Variants in ASAH2B observed in about 807,000 individuals in gnomAD.
ASAH2B encodes the protein N-acylsphingosine amidohydrolase 2B, also known as putative inactive neutral ceramidase B.
ASAH2B carries 1 observed loss-of-function variant against 2.9 expected under a neutral mutation model. That is an observed-to-expected ratio of 0.34 (90% CI 0.12 to 1.63). The LOEUF is 1.63. Among genes scored for constraint, ASAH2B ranks in the 40% most tolerant of loss-of-function variants. The pLI, the probability that ASAH2B is intolerant of heterozygous loss-of-function variation, is 0.36. For missense variants in ASAH2B, 9 were observed against 37.7 expected (o/e 0.24, Z 1.99); for synonymous variants, 4 against 13.3 (o/e 0.30, Z 1.52).
intron 3 of ASAH2B, among the ~76,000 whole-genome samples, chr10:50,749,044 G>A (rs1839947672): frequency 3.3e-5 from 5 of 150,504 alleles, no homozygotes; most frequent in Admixed American, 6.6e-5. Context: ...GTGTTGGGAG[G>A]GAGGTGTGAG....
At chr10:50,744,969 A>G (rs1359218704) in intron 2 of ASAH2B, among the ~76,000 whole-genome samples, 159 bp from the exon 3 acceptor site, 2 of 145,650 alleles carry the variant, frequency 1.4e-5, no homozygotes, top group Non-Finnish European at 3.0e-5. Flanking sequence ...CATGCTTAGC[A>G]AGGCTACCTT....
At chr10:50,744,933 G>A (rs1035624290) in intron 2 of ASAH2B, among the ~76,000 whole-genome samples, 195 bp from the exon 3 acceptor site, 22 of 150,154 alleles carry the variant, frequency 1.5e-4, no homozygotes, top group Non-Finnish European at 1.9e-4. Context: ...CCAGTGACAA[G>A]AGTTTAAATT....
chr10:50,742,937 C>T lies in ASAH2B; in HGVS notation c.-77C>T, dbSNP rs1290594690. 3.7e-6 allele frequency: 6 copies of T among 1,614,004 alleles called. 1 individual carries two copies. The South Asian group carries it at 5.5e-5, about 15-fold the overall frequency. On this transcript the variant is annotated 5_prime_UTR_variant, in exon 2 of 6. The change creates a premature stop within an existing upstream ORF in the 5' untranslated region. Transcript: ENST00000647317. ...CAGGCTCAGCGATATGAGGCAGCAT[C>T]GACAATTTATGGACCGCACGCATTA...
At chr10:50,748,756 C>T (rs67440360) in intron 3 of ASAH2B, among the ~76,000 whole-genome samples, 48,439 of 149,440 alleles carry the variant, frequency 0.32, 8,662 homozygotes, top group East Asian at 0.53. Context: ...CTCCTTCTGC[C>T]GTGGCCCGTA....
rs533271559 is a variant in ASAH2B, at chr10:50,748,259, A to C, written c.145-1084A>C. On this transcript the variant is annotated intron_variant, in intron 3 of 5. Coordinates refer to ENST00000647317, the MANE Select transcript of ASAH2B (RefSeq NM_001321958.2). ...CCTTTTAATTTCTGAAGAGTTGACA[A>C]TTATATCCCCTCTTTCTTTCTAATT... is the stretch of plus-strand genomic sequence containing the variant. Among the ~76,000 whole-genome samples, 3 of 84,082 alleles carry C rather than the reference A, an allele frequency of 3.6e-5. 1 individual carries two copies. Among genetic ancestry groups the C allele is most frequent in the Non-Finnish European group, 9.6e-5 (3 of 31,362 alleles). 55.2% of individuals were successfully genotyped at this position (84,082 alleles called of 152,430 possible).
rs1837077620 is a variant in ASAH2B, at chr10:50,755,895, TG to T, written c.*1156del. 6.6e-6 allele frequency: 1 copy of T among 151,568 alleles called. No homozygotes were observed. The highest frequency in any genetic ancestry group is 2.4e-5 in the African/African-American group (1 of 41,390). The allele number at this position is 151,568 out of a possible 1,614,324, so 9.4% of individuals were successfully genotyped here. A position where few individuals can be genotyped will look rare whatever the true frequency, so the allele number is the denominator to read the frequency against. On this transcript the variant is annotated 3_prime_UTR_variant, in exon 6 of 6. Transcript: ENST00000647317. ...AATCAGTAATCTTCAAGTTATATCT[TG>T]TGTATCATCTGTGTTGGATACTCTA... is the stretch of plus-strand genomic sequence containing the variant.
chr10:50,742,766 C>T, intron 1 of ASAH2B, 149 bp from the exon 2 acceptor site: 2 of 753,426 alleles, frequency 2.7e-6, no homozygotes, highest in South Asian at 3.4e-5. Flanking sequence ...TGGAAATGCC[C>T]ATCCTCTTTT....
At chr10:50,746,267 C>T (rs562217896) in intron 3 of ASAH2B, among the ~76,000 whole-genome samples, 2 of 151,524 alleles carry the variant, frequency 1.3e-5, no homozygotes, top group African/African-American at 4.9e-5. Context: ...TCTTTCTGTA[C>T]CTGGCTTATT....
At chr10:50,740,599 T>A (rs1839815564) in intron 1 of ASAH2B, among the ~76,000 whole-genome samples, 1 of 152,220 alleles carries the variant, frequency 6.6e-6, no homozygotes, top group African/African-American at 2.4e-5. Flanking sequence ...GCAAGTCAGA[T>A]CATAGCTATA....
At chr10:50,743,064 CTGTATG>C in intron 2 of ASAH2B, 54 bp downstream of exon 2, 4 of 1,538,972 alleles carry the variant, frequency 2.6e-6, no homozygotes, top group Non-Finnish European at 3.6e-6. Flanking sequence ...GTGTGTATGT[CTGTATG>C]TGTCTGTGTC....
rs1411807111 is a variant in ASAH2B, at chr10:50,753,214, A to T, written c.293+658A>T. 4.5e-5 allele frequency among the ~76,000 whole-genome samples: 6 copies of T among 133,332 alleles called. 1 individual carries two copies. The highest frequency in any genetic ancestry group is 8.3e-5 in the Non-Finnish European group (5 of 60,578). The allele number at this position is 133,332 out of a possible 152,430, so 87.5% of individuals were successfully genotyped here. On this transcript the variant is annotated intron_variant, in intron 5 of 5. Coordinates refer to ENST00000647317, the MANE Select transcript of ASAH2B (RefSeq NM_001321958.2). Reference sequence around the variant, plus strand: ...AAATTTAACATTCCATGACAGTGGCATGGAAGTAGGTACAGTTTTTGGCAA... The same window carrying T: ...AAATTTAACATTCCATGACAGTGGCTTGGAAGTAGGTACAGTTTTTGGCAA...
intron 2 of ASAH2B, among the ~76,000 whole-genome samples, chr10:50,743,277 A>C (rs1010292173): frequency 6.6e-6 from 1 of 151,852 alleles, no homozygotes; most frequent in Non-Finnish European, 1.5e-5. Context: ...TACAACCATC[A>C]TGTGAAATTA....
In ASAH2B at chr10:50,742,497, G is replaced by A. The variant is rs538900807; in HGVS notation, c.-99-418G>A. ...TGGCTCAATTTCATGGCTTTGTGATGGATTAAATGTCTTTCTCCAGTTAGC... is the reference window on the plus strand; with the variant it reads ...TGGCTCAATTTCATGGCTTTGTGATAGATTAAATGTCTTTCTCCAGTTAGC... On this transcript the variant is annotated intron_variant, in intron 1 of 5. Coordinates refer to ENST00000647317, the MANE Select transcript of ASAH2B (RefSeq NM_001321958.2). Among the ~76,000 whole-genome samples the A allele has an allele frequency of 1.3e-3, 195 of 152,220 alleles. 1 individual carries two copies. The Middle Eastern group carries it at 0.024, about 19-fold the overall frequency.
intron 5 of ASAH2B, among the ~76,000 whole-genome samples, chr10:50,753,198 A>G (rs1588934476): frequency 7.1e-6 from 1 of 140,782 alleles, no homozygotes; most frequent in African/African-American, 2.7e-5. Context: ...TAAATTTAAC[A>G]TTCCATGACA....
At chr10:50,746,817 T>C (rs1839912502) in intron 3 of ASAH2B, among the ~76,000 whole-genome samples, 1 of 151,530 alleles carries the variant, frequency 6.6e-6, no homozygotes, top group Non-Finnish European at 1.5e-5. Flanking sequence ...GAAATGTTTA[T>C]TCAGGTCCTT....
rs1405510536 is a variant in ASAH2B, at chr10:50,754,980, C to T, written c.*240C>T. On this transcript the variant is annotated 3_prime_UTR_variant, in exon 6 of 6. Transcript: ENST00000647317. Reference sequence around the variant, plus strand: ...AGAGAGAGAGGTTTGTCCCATATATCTTGTTCCAGCAGCCATATATCTTGT... The same window carrying T: ...AGAGAGAGAGGTTTGTCCCATATATTTTGTTCCAGCAGCCATATATCTTGT... 4.2e-6 allele frequency: 2 copies of T among 474,468 alleles called. No homozygotes were observed. Among genetic ancestry groups the T allele is most frequent in the Admixed American group, 7.9e-5 (2 of 25,266 alleles). The allele number at this position is 474,468 out of a possible 1,614,324, so 29.4% of individuals were successfully genotyped here. A position where few individuals can be genotyped will look rare whatever the true frequency, so the allele number is the denominator to read the frequency against.
chr10:50,744,558 G>C (rs887113817), intron 2 of ASAH2B: 2 of 151,820 alleles, frequency 1.3e-5, no homozygotes, highest in African/African-American at 2.4e-5. Flanking sequence ...AGGGATATTT[G>C]AAAATTGAGA....
intron 2 of ASAH2B, among the ~76,000 whole-genome samples, chr10:50,744,216 C>A (rs12266800): frequency 3.3e-5 from 5 of 151,234 alleles, no homozygotes; most frequent in African/African-American, 7.4e-5. Flanking sequence ...TGTCACTATG[C>A]TCATAGGTCT....
intron 3 of ASAH2B, among the ~76,000 whole-genome samples, chr10:50,747,897 A>C (rs1198927862): frequency 1.3e-5 from 2 of 150,576 alleles, no homozygotes; most frequent in Admixed American, 1.3e-4. Flanking sequence ...AGTGCTTTCA[A>C]AGAATGAGTT....
Sources: gnomAD v4.1 joint callset for allele counts (sites outside exome capture counted in the v4.1 genomes callset) on GRCh38, gnomAD v4.1.1 for gene constraint, MANE v1.5 for transcripts, NCBI Gene and HGNC (gene_info 2026-07-23, HGNC 2026-07-21) for gene names.